The following GPC5 variants were observed in gnomAD, a reference collection of about 807,000 sequenced individuals.
GPC5 encodes the protein glypican-5.
A neutral mutation model predicts 53.9 loss-of-function variants in GPC5; 47 were observed. The observed-to-expected ratio is 0.87, with a 90% confidence interval of 0.69 to 1.11. GPC5 has a LOEUF of 1.11. GPC5 is among the 50% of genes most tolerant of loss of function. The probability of loss-of-function intolerance (pLI) is 0.00; values close to 1 mark genes in which losing one functional copy is unlikely to be tolerated. For synonymous variants in GPC5, 286 were observed against 263.3 expected, an observed-to-expected ratio of 1.09 and a Z score of -0.84; for missense variants, 748 against 713.1, an observed-to-expected ratio of 1.05 and a Z score of -0.56.
intron 6 of GPC5, among the ~76,000 whole-genome samples, chr13:92,079,042 TC>T (rs1423262421): frequency 6.6e-6 from 1 of 152,018 alleles, no homozygotes; most frequent in African/African-American, 2.4e-5. Flanking sequence ...GGATGTTACT[TC>T]TTTTTTTTAA....
chr13:92,206,864 C>A (rs367963341), intron 7 of GPC5, among the ~76,000 whole-genome samples: 1 of 152,046 alleles, frequency 6.6e-6, no homozygotes, highest in African/African-American at 2.4e-5. Context: ...ACCAATGCCT[C>A]TCAGGTTTGC....
intron 7 of GPC5, among the ~76,000 whole-genome samples, chr13:92,756,131 C>G (rs1874851228): frequency 1.3e-5 from 2 of 151,680 alleles, no homozygotes; most frequent in Non-Finnish European, 2.9e-5. Flanking sequence ...GCTTATCCAC[C>G]ATGATCAAGT....
intron 7 of GPC5, among the ~76,000 whole-genome samples, chr13:92,576,974 A>G (rs1883206621): frequency 6.6e-6 from 1 of 152,206 alleles, no homozygotes; most frequent in South Asian, 2.1e-4. Flanking sequence ...TTTTTTAAAA[A>G]ATTGAAGTGA....
intron 6 of GPC5, among the ~76,000 whole-genome samples, chr13:92,123,877 G>A (rs375095297): frequency 6.6e-6 from 1 of 151,986 alleles, no homozygotes. Flanking sequence ...CCTTATTTAG[G>A]TGTACCTTTT....
chr13:92,268,104 A>T (rs1203456885), intron 7 of GPC5, among the ~76,000 whole-genome samples: 3 of 137,078 alleles, frequency 2.2e-5, no homozygotes, highest in African/African-American at 5.9e-5. Context: ...AAGGCACCTT[A>T]ATTTCAGGAC....
chr13:91,793,407 C>A (rs185324965), intron 5 of GPC5, among the ~76,000 whole-genome samples: 31 of 152,174 alleles, frequency 2.0e-4, no homozygotes, highest in Admixed American at 4.6e-4. Context: ...CACAGCCAAA[C>A]CATATCAGAA....
intron 7 of GPC5, among the ~76,000 whole-genome samples, chr13:92,415,990 A>C (rs965962612): frequency 1.3e-5 from 2 of 152,336 alleles, no homozygotes; most frequent in African/African-American, 4.8e-5. Context: ...AAATATAGAC[A>C]GCTTTTTAAA....
chr13:92,485,650 C>CCCTACCTT (rs1381946713), intron 7 of GPC5, among the ~76,000 whole-genome samples: 2 of 152,166 alleles, frequency 1.3e-5, no homozygotes, highest in Non-Finnish European at 2.9e-5. Flanking sequence ...ATCATTACAG[C>CCCTACCTT]CCTACCTTAC....
chr13:92,163,743 A>G (rs1213932990), intron 7 of GPC5, among the ~76,000 whole-genome samples: 1 of 152,126 alleles, frequency 6.6e-6, no homozygotes, highest in Non-Finnish European at 1.5e-5. Context: ...TCCTATTTCA[A>G]AGATGAAGTT....
intron 5 of GPC5, among the ~76,000 whole-genome samples, chr13:91,845,058 T>A (rs751575263): frequency 6.6e-6 from 1 of 152,314 alleles, no homozygotes; most frequent in East Asian, 1.9e-4. Flanking sequence ...TATGGAATTG[T>A]CATTTTAGGG....
At chr13:92,429,121 A>C (rs1281887734) in intron 7 of GPC5, among the ~76,000 whole-genome samples, 1 of 152,122 alleles carries the variant, frequency 6.6e-6, no homozygotes, top group Admixed American at 6.6e-5. Context: ...TATTGTTTTC[A>C]CCATAAAAGA....
intron 7 of GPC5, among the ~76,000 whole-genome samples, chr13:92,349,729 G>A (rs1014920370): frequency 6.6e-6 from 1 of 152,010 alleles, no homozygotes; most frequent in African/African-American, 2.4e-5. Flanking sequence ...TAAGAAGTAA[G>A]GAGATTGAAT....
At chr13:92,176,879 C>T (rs2042112668) in intron 7 of GPC5, among the ~76,000 whole-genome samples, 1 of 152,130 alleles carries the variant, frequency 6.6e-6, no homozygotes, top group South Asian at 2.1e-4. Context: ...TAATTCAATT[C>T]TCCATCTATT....
At chr13:92,385,526 ATATATACATATATG>A (rs1475395849) in intron 7 of GPC5, among the ~76,000 whole-genome samples, 1,689 of 141,016 alleles carry the variant, frequency 0.012, 86 homozygotes, top group African/African-American at 0.042. Flanking sequence ...ATACATATGC[ATATATACATATATG>A]CATATATACA....
At chr13:91,730,582 C>T (rs902370108) in intron 4 of GPC5, among the ~76,000 whole-genome samples, 1 of 152,148 alleles carries the variant, frequency 6.6e-6, no homozygotes, top group Non-Finnish European at 1.5e-5. Context: ...TGCAAAGCAA[C>T]TAACCAAATA....
At chr13:91,854,911 A>C (rs1487051983) in intron 5 of GPC5, among the ~76,000 whole-genome samples, 1 of 151,774 alleles carries the variant, frequency 6.6e-6, no homozygotes, top group Non-Finnish European at 1.5e-5. Context: ...TGGTGGTTAA[A>C]ATGAGAATTC....
intron 7 of GPC5, among the ~76,000 whole-genome samples, chr13:92,220,674 T>C (rs910467934): frequency 6.6e-6 from 1 of 152,226 alleles, no homozygotes; most frequent in Non-Finnish European, 1.5e-5. Flanking sequence ...CTAGCATTTG[T>C]GTATCTTTTA....
intron 7 of GPC5, among the ~76,000 whole-genome samples, chr13:92,793,056 C>T (rs1028096606): frequency 2.0e-5 from 3 of 152,118 alleles, no homozygotes; most frequent in South Asian, 2.1e-4. Context: ...CTACAGAACT[C>T]TCCACCCCAA....
intron 5 of GPC5, among the ~76,000 whole-genome samples, chr13:91,840,294 T>A (rs1306200479): frequency 3.9e-5 from 6 of 152,154 alleles, no homozygotes; most frequent in Admixed American, 1.3e-4. Flanking sequence ...TTAGCAACCA[T>A]CTGTATTATC....
Sources: gnomAD v4.1 joint callset for allele counts (sites outside exome capture counted in the v4.1 genomes callset) on GRCh38, gnomAD v4.1.1 for gene constraint, MANE v1.5 for transcripts, NCBI Gene and HGNC (gene_info 2026-07-23, HGNC 2026-07-21) for gene names.